MYH7: variants seen among roughly 807,000 people sequenced by gnomAD.
MYH7 encodes the protein myosin heavy chain 7.
In MYH7, 129 loss-of-function variants were observed where a neutral mutation model predicts 225.4. The ratio of observed to expected loss-of-function variants is 0.57; its 90% CI spans 0.50 to 0.66. The LOEUF (loss-of-function observed/expected upper bound fraction) is 0.66. MYH7 is among the 30% of genes least tolerant of loss of function. The pLI, the probability that MYH7 is intolerant of heterozygous loss-of-function variation, is 0.00. For missense variants in MYH7, 1,649 were observed against 2,517.0 expected (o/e 0.66, Z 7.38); for synonymous variants, 971 against 1,007.6 (o/e 0.96, Z 0.69).
chr14:23,429,174 C>T, intron 13 of MYH7, 55 bp downstream of exon 13: 1 of 1,613,960 alleles, frequency 6.2e-7, no homozygotes, highest in East Asian at 2.2e-5. Flanking sequence ...ACTCTCATCC[C>T]ACCATGCCAG....
chr14:23,434,468 C>A (rs1176171305), intron 1 of MYH7, among the ~76,000 whole-genome samples: 1 of 152,228 alleles, frequency 6.6e-6, no homozygotes, highest in Non-Finnish European at 1.5e-5. Context: ...TCAACTCAAC[C>A]TGAACCCTAA....
chr14:23,424,886 C>T lies in MYH7; in HGVS notation c.2562G>A (p.Glu854=), dbSNP rs778148245. Residue 854 remains glutamate, a synonymous_variant, in exon 22 of 40, where the codon GAG becomes GAA. Coordinates refer to ENST00000355349, the MANE Select transcript of MYH7 (RefSeq NM_000257.4). ...GCGCCTCTTTGAGGCGTGTGAACTC[C>T]TCCTTCATGGAGGCCATCTCCTTCT... The part of the protein sequence containing the change: ...EREKEMASMK[E]EFTRLKEALE... 4 of 1,614,112 alleles carry T rather than the reference C, an allele frequency of 2.5e-6. No individual in the cohort carries two copies. The highest frequency in any genetic ancestry group is 2.2e-5 in the East Asian group (1 of 44,898).
chr14:23,419,400 A>G (rs1399669733), intron 28 of MYH7, 83 bp downstream of exon 28: 3 of 1,612,132 alleles, frequency 1.9e-6, no homozygotes, highest in Admixed American at 3.3e-5. Context: ...GTGTGCGTGT[A>G]TTGGCTTGTG....
At position 23,433,135 on chromosome 14, in the gene MYH7, C is replaced by T; in HGVS notation, c.294G>A (p.Glu98=). ...EDMAMLTFLH[E]PAVLYNLKDR... is the part of the protein sequence containing the mutation. ...CCTTGAGGTTGTAGAGCACCGCGGG[C>T]TCATGCAGGAAGGTCAGCATGGCCA... is the stretch of plus-strand genomic sequence containing the variant. The change falls in exon 4 of 40, where the codon GAG becomes GAA. Residue 98 remains glutamate, a synonymous_variant. Transcript: ENST00000355349. This position sits in a 1 kb window ranked among gnomAD's most constrained non-coding sequence, Gnocchi z 4.1. 6.2e-7 allele frequency: 1 copy of T among 1,614,120 alleles called. No homozygotes were observed. The highest frequency in any genetic ancestry group is 8.5e-7 in the Non-Finnish European group (1 of 1,180,016).
Position 23,415,277 on chromosome 14 carries a change from G to A in MYH7, c.5284-7C>T. The A allele has an allele frequency of 6.2e-7, 1 of 1,614,272 alleles. No homozygotes were observed. The highest frequency in any genetic ancestry group is 8.5e-7 in the Non-Finnish European group (1 of 1,180,054). ...CCTCTGCCATCATGGCGGCCTGTGT[G>A]CAGGAGAGAGGTGGCACATGGTCTG... On this transcript the variant is annotated splice_region_variant and splice_polypyrimidine_tract_variant and intron_variant, in intron 36 of 39. Transcript: ENST00000355349. This position sits in a 1 kb window ranked among gnomAD's most constrained non-coding sequence, Gnocchi z 6.3.
Position 23,419,920 on chromosome 14 carries a change from C to A in MYH7, c.3651G>T (p.Leu1217=). ...GCTTGAACTCGCTCTTCTCCTTCTC[C>A]AGCTTCTGCTTCACCCGCTGCAGGT... The part of the protein sequence containing the change: ...IDNLQRVKQK[L]EKEKSEFKLE... The change falls in exon 27 of 40, where the codon CTG becomes CTT. Residue 1217 remains leucine (L), a synonymous_variant. Coordinates refer to ENST00000355349, the MANE Select transcript of MYH7 (RefSeq NM_000257.4). 1 of 1,612,852 alleles carries A rather than the reference C, an allele frequency of 6.2e-7. No homozygotes were observed. Among genetic ancestry groups the A allele is most frequent in the Non-Finnish European group, 8.5e-7 (1 of 1,179,294 alleles).
chr14:23,433,470 C>T lies in MYH7; in HGVS notation c.201+62G>A, dbSNP rs1357138553. On this transcript the variant is annotated intron_variant, in intron 3 of 39. Transcript: ENST00000355349. The surrounding 1 kb of genome is among the most constrained non-coding windows in gnomAD (Gnocchi z 4.1). Reference sequence around the variant, plus strand: ...ATGGGCATGGGGCATGGGTGTACCCCTCTCTGTCCACCCAGGTGTACAGGT... The same window carrying T: ...ATGGGCATGGGGCATGGGTGTACCCTTCTCTGTCCACCCAGGTGTACAGGT... 7.7e-6 allele frequency: 12 copies of T among 1,563,764 alleles called. No individual in the cohort carries two copies. The highest frequency in any genetic ancestry group is 1.4e-5 in the African/African-American group (1 of 73,960).
At chr14:23,412,994 C>T in intron 39 of MYH7, 123 bp from the exon 40 acceptor site, 4 of 951,394 alleles carry the variant, frequency 4.2e-6, no homozygotes, top group Admixed American at 1.9e-5. Flanking sequence ...CAGGTGGAAG[C>T]CCCTGTGGCA....
chr14:23,434,899 C>T (rs1893083835), intron 1 of MYH7, among the ~76,000 whole-genome samples: 2 of 152,126 alleles, frequency 1.3e-5, no homozygotes, highest in Admixed American at 1.3e-4. Flanking sequence ...TTGGGCATGC[C>T]TCTCACATGA....
At position 23,415,333 on chromosome 14, in the gene MYH7, C is replaced by A; in HGVS notation, c.5283+48G>T. 1 of 1,614,222 alleles carries A rather than the reference C, an allele frequency of 6.2e-7. No homozygotes were observed. The highest frequency in any genetic ancestry group is 8.5e-7 in the Non-Finnish European group (1 of 1,180,040). Reference sequence around the variant, plus strand: ...GTCCTCACACACTTGCTGCCCAGCCCACGGAGAGACACTGGTCTGGATCGG... The same window carrying A: ...GTCCTCACACACTTGCTGCCCAGCCAACGGAGAGACACTGGTCTGGATCGG... On this transcript the variant is annotated intron_variant, in intron 36 of 39. Coordinates refer to ENST00000355349, the MANE Select transcript of MYH7 (RefSeq NM_000257.4). The surrounding 1 kb of genome is among the most constrained non-coding windows in gnomAD (Gnocchi z 6.3).
rs756586273 is a variant in MYH7, at chr14:23,424,877, T to A, written c.2571A>T (p.Thr857=). The A allele has an allele frequency of 6.2e-7, 1 of 1,614,224 alleles. No homozygotes were observed. Among genetic ancestry groups the A allele is most frequent in the Non-Finnish European group, 8.5e-7 (1 of 1,180,030 alleles). The part of the protein sequence containing the change: ...KEMASMKEEF[T]RLKEALEKSE... Reference sequence around the variant, plus strand: ...ACTTCTCTAGCGCCTCTTTGAGGCGTGTGAACTCCTCCTTCATGGAGGCCA... The same window carrying A: ...ACTTCTCTAGCGCCTCTTTGAGGCGAGTGAACTCCTCCTTCATGGAGGCCA... Residue 857 remains threonine (T), a synonymous_variant, in exon 22 of 40, where the codon ACA becomes ACT. Transcript: ENST00000355349.
chr14:23,413,716 CCTG>C, intron 39 of MYH7, 40 bp downstream of exon 39: 1 of 1,612,374 alleles, frequency 6.2e-7, no homozygotes, highest in Non-Finnish European at 8.5e-7. Context: ...TCTGGGTATG[CCTG>C]CTGTGGGGGT....
rs1443866157 is a variant in MYH7, at chr14:23,422,069, C to T, written c.3245+111G>A. Reference sequence around the variant, plus strand: ...AGGCCTTTTCCCATGGTTTGCGCCTCCACTTGTGGAGGCTGCGTGAGGTTG... The same window carrying T: ...AGGCCTTTTCCCATGGTTTGCGCCTTCACTTGTGGAGGCTGCGTGAGGTTG... On this transcript the variant is annotated intron_variant, in intron 25 of 39. Coordinates refer to ENST00000355349, the MANE Select transcript of MYH7 (RefSeq NM_000257.4). 23 of 1,534,110 alleles carry T rather than the reference C, an allele frequency of 1.5e-5. No individual in the cohort carries two copies. In the East Asian group the frequency reaches 4.5e-4, roughly 30 times the overall value.
At position 23,433,533 on chromosome 14, in the gene MYH7, T is replaced by C; in HGVS notation, c.200A>G (p.Lys67Arg). The C allele has an allele frequency of 6.2e-7, 1 of 1,613,926 alleles. No homozygotes were observed. The highest frequency in any genetic ancestry group is 8.5e-7 in the Non-Finnish European group (1 of 1,180,024). The change falls in exon 3 of 40, where the codon AAG becomes AGG. Residue 67 changes from lysine to arginine, a missense_variant and splice_region_variant. Physicochemically the swap from Lys to Arg is conservative, Grantham distance 26. Around this residue, in one of 12 missense-constraint regions of MYH7, gnomAD observed 91 missense variants for 96.5 expected, o/e 0.94. Transcript: ENST00000355349. This position sits in a 1 kb window ranked among gnomAD's most constrained non-coding sequence, Gnocchi z 4.1. Reference protein sequence around the residue: ...GKVTAETEYGKTVTVKEDQVM... With the variant: ...GKVTAETEYGRTVTVKEDQVM... ...CTCTCACATCAGCCTGACACCCACC[T>C]TGCCATACTCGGTCTCGGCAGTGAC...
intron 15 of MYH7, 115 bp downstream of exon 15, chr14:23,428,385 T>C (rs1489370321): frequency 3.3e-6 from 5 of 1,538,202 alleles, no homozygotes; most frequent in Non-Finnish European, 3.6e-6. Context: ...AGGGCTCGGA[T>C]CCTTCAGCCC....
intron 37 of MYH7, 35 bp downstream of exon 37, chr14:23,414,960 G>A: frequency 6.2e-7 from 1 of 1,602,418 alleles, no homozygotes; most frequent in Non-Finnish European, 8.5e-7. Flanking sequence ...TGGCTATGGT[G>A]CCAGGGCTCT....
Position 23,427,379 on chromosome 14 carries a change from C to T in MYH7, c.1889-72G>A, listed in dbSNP as rs1454086075. The T allele has an allele frequency of 6.4e-6, 10 of 1,569,362 alleles. No homozygotes were observed. In the Admixed American group the frequency reaches 1.7e-4, roughly 27 times the overall value. ...GGGTGTGAGTAAAGAATCACAGCCC[C>T]TCTTTACATCCTTGCTGGCATTTGG... On this transcript the variant is annotated intron_variant, in intron 16 of 39. Transcript: ENST00000355349.
In MYH7 at chr14:23,431,630, G is replaced by T; in HGVS notation, c.687C>A (p.Ala229=). ...TCCGGACGGTCTTGGCATTGCCAAA[G>T]GCCTCCAGAGCAGGGTTGGCCTGGA... is the stretch of plus-strand genomic sequence containing the variant. The part of the protein sequence containing the change: ...QIIQANPALE[A]FGNAKTVRND... Residue 229 remains alanine, a synonymous_variant, in exon 8 of 40, where the codon GCC becomes GCA. Coordinates refer to ENST00000355349, the MANE Select transcript of MYH7 (RefSeq NM_000257.4). 6.2e-7 allele frequency: 1 copy of T among 1,614,250 alleles called. No individual in the cohort carries two copies. The highest frequency in any genetic ancestry group is 8.5e-7 in the Non-Finnish European group (1 of 1,180,044).
intron 29 of MYH7, among the ~76,000 whole-genome samples, chr14:23,418,973 C>A (rs1468777665): frequency 1.3e-5 from 2 of 152,170 alleles, no homozygotes; most frequent in Admixed American, 1.3e-4. Flanking sequence ...ACCCTGCCTC[C>A]CGTCCAGGGA....
Sources: gnomAD v4.1 joint callset for allele counts (sites outside exome capture counted in the v4.1 genomes callset) on GRCh38, gnomAD v4.1.1 for gene constraint, gnomAD v4.1.1 regional missense constraint, Gnocchi (gnomAD v3.1) non-coding constraint, MANE v1.5 for transcripts, NCBI Gene and HGNC (gene_info 2026-07-23, HGNC 2026-07-21) for gene names.